The following SLCO4A1 variants were observed in gnomAD, a reference collection of about 807,000 sequenced individuals.
SLCO4A1 encodes colon organic anion transporter.
A neutral mutation model predicts 64.6 loss-of-function variants in SLCO4A1; 51 were observed. The observed-to-expected ratio is 0.79, with a 90% CI of 0.63 to 1.00. SLCO4A1 has a LOEUF of 1.00. Among genes scored for constraint, SLCO4A1 ranks in the 50% least tolerant of loss-of-function variants. The pLI is 0.00. For missense variants in SLCO4A1, 919 were observed against 980.5 expected, an observed-to-expected ratio of 0.94 and a Z score of 0.84; for synonymous variants, 471 against 444.9, an observed-to-expected ratio of 1.06 and a Z score of -0.74.
rs1987737916 is a variant in SLCO4A1 at position 62,679,567 on chromosome 20, T to G, written n.212-5874T>G. Among the ~76,000 whole-genome samples, 3 of 152,248 alleles carry G rather than the reference T, an allele frequency of 2.0e-5. No individual in the cohort carries two copies. In the South Asian group the frequency reaches 6.2e-4, roughly 32 times the overall value. ...TTGTAGATAGGGTGTCTTGCTATGTTGCCCAGGCTCGTTTCGAACTCCTGA... is the reference window on the plus strand; with the variant it reads ...TTGTAGATAGGGTGTCTTGCTATGTGGCCCAGGCTCGTTTCGAACTCCTGA... On this transcript the variant is annotated intron_variant and non_coding_transcript_variant, in intron 2 of 2. Coordinates refer to the SLCO4A1 transcript ENST00000466818.
intron 2 of SLCO4A1, among the ~76,000 whole-genome samples, chr20:62,658,250 C>T (rs540055460): frequency 6.6e-6 from 1 of 152,372 alleles, no homozygotes; most frequent in African/African-American, 2.4e-5. Context: ...TCACCTCACT[C>T]CAGCGAGGGG....
chr20:62,668,632 G>A, intron 10 of SLCO4A1, 91 bp downstream of exon 10: 2 of 1,256,696 alleles, frequency 1.6e-6, no homozygotes, highest in Non-Finnish European at 1.2e-6. Flanking sequence ...AAGGGGATGT[G>A]CTTCCCAGCA....
rs1377899158 is a variant in SLCO4A1, at chr20:62,667,930, A to G, written c.1638+20A>G. On this transcript the variant is annotated intron_variant, in intron 8 of 11. Transcript: ENST00000217159. ...CAGAAGGTGAGTGGAGCCGCTGCCT[A>G]CCGCCCCTGTCCTCCCCTGGACCCT... 1.2e-6 allele frequency: 2 copies of G among 1,613,754 alleles called. No individual in the cohort carries two copies.
chr20:62,660,725 T>C (rs931289812), intron 4 of SLCO4A1, among the ~76,000 whole-genome samples, 192 bp downstream of exon 4: 1 of 152,172 alleles, frequency 6.6e-6, no homozygotes, highest in African/African-American at 2.4e-5. Flanking sequence ...AGGTTGTGTG[T>C]CCATCCTGTC....
chr20:62,651,238 T>G (rs1982441774), intron 1 of SLCO4A1: 1 of 152,250 alleles, frequency 6.6e-6, no homozygotes, highest in South Asian at 2.1e-4. Flanking sequence ...ACCGCTGTTT[T>G]AATGGGGAAA....
At chr20:62,652,033 C>G (rs1371859387) in intron 1 of SLCO4A1, 1 of 146,154 alleles carries the variant, frequency 6.8e-6, no homozygotes, top group Non-Finnish European at 1.5e-5. Context: ...CCGCCTCCCC[C>G]ACCCTGCCCC....
intron 7 of SLCO4A1, 155 bp downstream of exon 7, chr20:62,666,730 C>A (rs943942152): frequency 1.5e-6 from 1 of 667,344 alleles, no homozygotes; most frequent in East Asian, 2.7e-5. Context: ...CAGCAGGGCA[C>A]CCGGCAGCAT....
chr20:62,668,593 A>G, intron 10 of SLCO4A1, 52 bp downstream of exon 10: 1 of 1,506,566 alleles, frequency 6.6e-7, no homozygotes, highest in East Asian at 2.3e-5. Context: ...TGCTCACTGC[A>G]CAAGGGCATG....
chr20:62,689,096 C>T (rs1016612628), downstream of SLCO4A1, among the ~76,000 whole-genome samples: 1 of 152,254 alleles, frequency 6.6e-6, no homozygotes, highest in African/African-American at 2.4e-5. Context: ...GGAATCAAGT[C>T]AGGCCCTCAT....
rs1986800241 is a variant in SLCO4A1 at position 62,668,553 on chromosome 20, T to C, written c.1876+12T>C. 1.2e-6 allele frequency: 2 copies of C among 1,609,666 alleles called. No homozygotes were observed. The highest frequency in any genetic ancestry group is 1.7e-6 in the Non-Finnish European group (2 of 1,176,186). ...AGTTAGAATACTAGGTACTGTGCAGTGTGAGGAAGCCATGGTCAGTTGCAC... is the reference window on the plus strand; with the variant it reads ...AGTTAGAATACTAGGTACTGTGCAGCGTGAGGAAGCCATGGTCAGTTGCAC... On this transcript the variant is annotated intron_variant, in intron 10 of 11. Coordinates refer to ENST00000217159, the MANE Select transcript of SLCO4A1 (RefSeq NM_016354.4).
At chr20:62,657,832 T>G (rs1430408836) in intron 2 of SLCO4A1, among the ~76,000 whole-genome samples, 1 of 151,834 alleles carries the variant, frequency 6.6e-6, no homozygotes, top group Non-Finnish European at 1.5e-5. Context: ...ATCTGGAGAG[T>G]CAGAACTTTA....
Position 62,672,000 on chromosome 20 carries a change from C to T in SLCO4A1, c.*107C>T, listed in dbSNP as rs761897293. Reference sequence around the variant, plus strand: ...ACGGGAACTTCTATTTGACCTGCAACCTTCTACTTAACCTGTGGTTTAAAG... The same window carrying T: ...ACGGGAACTTCTATTTGACCTGCAATCTTCTACTTAACCTGTGGTTTAAAG... On this transcript the variant is annotated 3_prime_UTR_variant, in exon 12 of 12. Transcript: ENST00000217159. 2.9e-5 allele frequency: 46 copies of T among 1,592,750 alleles called. No individual in the cohort carries two copies. The highest frequency in any genetic ancestry group is 3.6e-5 in the Non-Finnish European group (42 of 1,176,542).
intron 11 of SLCO4A1, 141 bp from the exon 12 acceptor site, chr20:62,671,609 C>A: frequency 2.8e-6 from 2 of 722,776 alleles, no homozygotes; most frequent in Non-Finnish European, 4.7e-6. Flanking sequence ...GGAAAGATAC[C>A]CTCTCAGAGC....
downstream of SLCO4A1, among the ~76,000 whole-genome samples, chr20:62,676,943 G>A (rs961889921): frequency 6.6e-6 from 1 of 152,238 alleles, no homozygotes; most frequent in Non-Finnish European, 1.5e-5. Context: ...CACACAGTGG[G>A]TCTTGCTTGG....
In SLCO4A1 at chr20:62,657,986, T is replaced by C. The variant is rs576242170; in HGVS notation, c.797-691T>C. On this transcript the variant is annotated intron_variant, in intron 2 of 11. Coordinates refer to ENST00000217159, the MANE Select transcript of SLCO4A1 (RefSeq NM_016354.4). ...CTCACTGGCTTCCTGCTCCTGTTTG[T>C]TGAGATGTAGGGAAGCCCCATGGCC... Among the ~76,000 whole-genome samples the C allele has an allele frequency of 2.1e-3, 319 of 152,138 alleles. 2 individuals carry two copies. The highest frequency in any genetic ancestry group is 7.6e-3 in the African/African-American group (316 of 41,516).
At chr20:62,648,040 G>C (rs1981697229) in intron 1 of SLCO4A1, among the ~76,000 whole-genome samples, 1 of 152,224 alleles carries the variant, frequency 6.6e-6, no homozygotes, top group South Asian at 2.1e-4. Context: ...AGGCGCACAC[G>C]CACGCATACA....
Position 62,685,111 on chromosome 20 carries a change from C to A in SLCO4A1, n.212-330C>A, listed in dbSNP as rs1205227322. ...TGGAGGTTGGGGCACGTGTGACCAG[C>A]CAGGGTCATAAAACACACATGGTCA... is the stretch of plus-strand genomic sequence containing the variant. On this transcript the variant is annotated intron_variant and non_coding_transcript_variant, in intron 2 of 2. Transcript: ENST00000466818. This position sits in a 1 kb window ranked among gnomAD's most constrained non-coding sequence, Gnocchi z 4.6. Among the ~76,000 whole-genome samples, 1 of 151,994 alleles carries A rather than the reference C, an allele frequency of 6.6e-6. No individual in the cohort carries two copies. Among genetic ancestry groups the A allele is most frequent in the Admixed American group, 6.6e-5 (1 of 15,262 alleles).
At chr20:62,681,498 T>TC in intron 2 of SLCO4A1, among the ~76,000 whole-genome samples, 1 of 138,396 alleles carries the variant, frequency 7.2e-6, no homozygotes, top group African/African-American at 2.7e-5. Flanking sequence ...GTGTACACAC[T>TC]CATGTGTGCG....
intron 5 of SLCO4A1, among the ~76,000 whole-genome samples, chr20:62,662,336 T>C (rs990406251): frequency 6.6e-6 from 1 of 152,084 alleles, no homozygotes; most frequent in Admixed American, 6.5e-5. Flanking sequence ...GAACATCGTG[T>C]AGGCACTGGC....
Sources: allele counts gnomAD v4.1 joint callset (sites outside exome capture counted in the v4.1 genomes callset), GRCh38; gene constraint gnomAD v4.1.1; non-coding constraint Gnocchi (gnomAD v3.1); transcripts MANE v1.5; gene names NCBI Gene and HGNC (gene_info 2026-07-23, HGNC 2026-07-21).